The following CDH12 variants were observed in gnomAD, a reference collection of about 807,000 sequenced individuals.
CDH12 encodes the protein cadherin-12.
In CDH12, 41 loss-of-function variants were observed where a neutral mutation model predicts 74.1. The ratio of observed to expected loss-of-function variants is 0.55; its 90% confidence interval spans 0.43 to 0.72. The LOEUF is 0.72. CDH12 is among the 30% of genes least tolerant of loss of function. CDH12 has a pLI of 0.00. For missense variants in CDH12, 945 were observed against 977.2 expected (o/e 0.97, Z 0.44); for synonymous variants, 399 against 355.0 (o/e 1.12, Z -1.39).
chr5:22,610,997 T>C (rs972692989), intron 1 of CDH12, among the ~76,000 whole-genome samples: 1 of 152,148 alleles, frequency 6.6e-6, no homozygotes, highest in Non-Finnish European at 1.5e-5. Context: ...ATCCCCAAAC[T>C]GTTACTTTAA....
intron 3 of CDH12, among the ~76,000 whole-genome samples, chr5:22,248,438 G>C (rs1174816907): frequency 2.6e-5 from 4 of 151,814 alleles, no homozygotes; most frequent in African/African-American, 9.7e-5. Flanking sequence ...CAATTTCAGG[G>C]GATATTTCAA....
At chr5:22,035,664 A>G (rs1580147731) in intron 5 of CDH12, among the ~76,000 whole-genome samples, 1 of 151,746 alleles carries the variant, frequency 6.6e-6, no homozygotes, top group South Asian at 2.1e-4. Flanking sequence ...GGTGAAGAAA[A>G]AAAACTTTTA....
chr5:21,953,657 C>G (rs1291418604), intron 6 of CDH12, among the ~76,000 whole-genome samples: 1 of 152,058 alleles, frequency 6.6e-6, no homozygotes, highest in Non-Finnish European at 1.5e-5. Flanking sequence ...AGTAAAAGTA[C>G]AAAACATTTT....
chr5:22,850,424 C>A (rs1737497612), intron 1 of CDH12, among the ~76,000 whole-genome samples: 1 of 151,880 alleles, frequency 6.6e-6, no homozygotes, highest in African/African-American at 2.4e-5. Flanking sequence ...ATAAAAAGCT[C>A]CCAGTAAAAA....
intron 2 of CDH12, among the ~76,000 whole-genome samples, chr5:22,465,627 C>T (rs1745697056): frequency 6.6e-6 from 1 of 152,184 alleles, no homozygotes; most frequent in Non-Finnish European, 1.5e-5. Context: ...GCTTGGGCAA[C>T]AGAGTTAAAC....
intron 9 of CDH12, among the ~76,000 whole-genome samples, chr5:21,805,093 A>G (rs1477740602): frequency 6.6e-6 from 1 of 152,136 alleles, no homozygotes; most frequent in African/African-American, 2.4e-5. Flanking sequence ...CTAGAAAGCA[A>G]ATTGAGCTGA....
At chr5:22,654,753 G>C (rs927029731) in intron 1 of CDH12, among the ~76,000 whole-genome samples, 1 of 151,722 alleles carries the variant, frequency 6.6e-6, no homozygotes, top group Non-Finnish European at 1.5e-5. Context: ...TCTTGCCTCA[G>C]CCTCCCAAGT....
chr5:22,687,236 G>C (rs1366745715), intron 1 of CDH12, among the ~76,000 whole-genome samples: 1 of 152,060 alleles, frequency 6.6e-6, no homozygotes, highest in Non-Finnish European at 1.5e-5. Context: ...GGAGGTTGCA[G>C]TGAGCCGAGA....
intron 6 of CDH12, among the ~76,000 whole-genome samples, chr5:21,869,800 G>A (rs1187891511): frequency 6.6e-6 from 1 of 152,134 alleles, no homozygotes; most frequent in African/African-American, 2.4e-5. Flanking sequence ...AAATGCATAT[G>A]GGTGCCAAGT....
chr5:21,831,394 G>A (rs371045765), intron 8 of CDH12, among the ~76,000 whole-genome samples: 30 of 152,140 alleles, frequency 2.0e-4, no homozygotes, highest in East Asian at 1.5e-3. Context: ...CTACTCATAC[G>A]GATTAAGGAA....
intron 1 of CDH12, among the ~76,000 whole-genome samples, chr5:22,828,075 T>A (rs1259902198): frequency 1.3e-5 from 2 of 152,144 alleles, no homozygotes; most frequent in Non-Finnish European, 2.9e-5. Context: ...ATTATACGGT[T>A]TCATTGTGGG....
intron 6 of CDH12, among the ~76,000 whole-genome samples, chr5:21,881,139 GA>G (rs201398781): frequency 2.0e-5 from 3 of 151,298 alleles, no homozygotes; most frequent in Non-Finnish European, 3.0e-5. Flanking sequence ...AAAGAAAAAT[GA>G]AAAAAAACTG....
chr5:22,828,176 A>T (rs1666809172), intron 1 of CDH12, among the ~76,000 whole-genome samples: 1 of 152,174 alleles, frequency 6.6e-6, no homozygotes, highest in African/African-American at 2.4e-5. Flanking sequence ...AGGTGGAAAT[A>T]AGTGCAAACC....
chr5:22,786,966 C>T (rs947918072), intron 1 of CDH12, among the ~76,000 whole-genome samples: 4 of 151,862 alleles, frequency 2.6e-5, no homozygotes, highest in South Asian at 2.1e-4. Context: ...ATGATCTGCC[C>T]GCCTCAGCAA....
intron 1 of CDH12, among the ~76,000 whole-genome samples, chr5:22,574,712 T>C (rs1489067340): frequency 6.6e-6 from 1 of 152,174 alleles, no homozygotes; most frequent in African/African-American, 2.4e-5. Context: ...ACTTTCCTTC[T>C]CTTCCTCTTA....
At chr5:22,535,357 C>T (rs1046725886) in intron 1 of CDH12, among the ~76,000 whole-genome samples, 21 of 151,916 alleles carry the variant, frequency 1.4e-4, no homozygotes, top group Admixed American at 3.3e-4. Context: ...GGGGTTTCAC[C>T]GTGTTAGCCA....
At chr5:22,220,855 C>T (rs928450239) in intron 3 of CDH12, among the ~76,000 whole-genome samples, 32 of 151,710 alleles carry the variant, frequency 2.1e-4, no homozygotes, top group Non-Finnish European at 1.0e-4. Flanking sequence ...TGACTAGTGA[C>T]ACGAGCTATA....
intron 5 of CDH12, among the ~76,000 whole-genome samples, chr5:21,986,343 C>A (rs1435829172): frequency 6.6e-6 from 1 of 152,132 alleles, no homozygotes; most frequent in Non-Finnish European, 1.5e-5. Flanking sequence ...ATATTGCCTT[C>A]ATGGCTACAT....
intron 1 of CDH12, among the ~76,000 whole-genome samples, chr5:22,729,514 A>G (rs911826605): frequency 5.9e-5 from 9 of 151,868 alleles, no homozygotes; most frequent in African/African-American, 1.7e-4. Context: ...ATGCATGGGT[A>G]TGATAGCATA....
Sources: allele counts gnomAD v4.1 joint callset (sites outside exome capture counted in the v4.1 genomes callset), GRCh38; gene constraint gnomAD v4.1.1; transcripts MANE v1.5; gene names NCBI Gene and HGNC (gene_info 2026-07-23, HGNC 2026-07-21).